Variants in GFRA1 observed in about 807,000 individuals in gnomAD.
GFRA1 encodes GDNF family receptor alpha-1.
GFRA1 carries 16 observed loss-of-function variants against 51.6 expected under a neutral mutation model. That is an observed-to-expected ratio of 0.31 (90% CI 0.21 to 0.47). The LOEUF (loss-of-function observed/expected upper bound fraction) is 0.47. Among genes scored for constraint, GFRA1 ranks in the 20% least tolerant of loss-of-function variants. The pLI is 1.00. For missense variants in GFRA1, 530 were observed against 594.3 expected (o/e 0.89, Z 1.13); for synonymous variants, 270 against 241.3 (o/e 1.12, Z -1.10).
rs117999587 is a variant in GFRA1, at chr10:116,177,489, T to C, written c.433+34142A>G. Among the ~76,000 whole-genome samples, 82 of 152,006 alleles carry C rather than the reference T, an allele frequency of 5.4e-4. 1 individual carries two copies. The highest frequency in any genetic ancestry group is 1.0e-3 in the Non-Finnish European group (70 of 67,962). On this transcript the variant is annotated intron_variant, in intron 5 of 10. Coordinates refer to ENST00000355422, the MANE Select transcript of GFRA1 (RefSeq NM_005264.8). ...AGCTTGGGAGGCTCAGAGAGAAGCA[T>C]TAGAAATAAGGACCTGGAGCTTGGG...
At chr10:116,194,786 C>T (rs1589861071) in intron 5 of GFRA1, among the ~76,000 whole-genome samples, 1 of 152,276 alleles carries the variant, frequency 6.6e-6, no homozygotes, top group South Asian at 2.1e-4. Context: ...ATTTCATCAT[C>T]AATATCTTCA....
intron 4 of GFRA1, among the ~76,000 whole-genome samples, chr10:116,228,943 T>C (rs570645247): frequency 8.5e-6 from 1 of 118,012 alleles, no homozygotes; most frequent in Admixed American, 1.2e-4. Context: ...ATCGCGCCAC[T>C]GCACTCCAGA....
chr10:116,170,319 A>G (rs936547029), intron 5 of GFRA1, among the ~76,000 whole-genome samples: 1 of 152,238 alleles, frequency 6.6e-6, no homozygotes, highest in African/African-American at 2.4e-5. Flanking sequence ...AAGTGGGGCA[A>G]TGAACTCCAT....
At chr10:116,069,310 A>G (rs1955263275) in intron 9 of GFRA1, among the ~76,000 whole-genome samples, 1 of 152,196 alleles carries the variant, frequency 6.6e-6, no homozygotes, top group South Asian at 2.1e-4. Flanking sequence ...ACTCTAATTT[A>G]TAGCTATAAG....
intron 4 of GFRA1, among the ~76,000 whole-genome samples, chr10:116,254,483 C>T (rs1968663388): frequency 6.6e-6 from 1 of 150,576 alleles, no homozygotes; most frequent in Non-Finnish European, 1.5e-5. Flanking sequence ...CCATCCTAAG[C>T]AGCAGAGTGA....
intron 4 of GFRA1, among the ~76,000 whole-genome samples, chr10:116,269,257 A>C (rs1969905598): frequency 6.6e-6 from 1 of 152,064 alleles, no homozygotes; most frequent in African/African-American, 2.4e-5. Flanking sequence ...AAAATACTCA[A>C]CCAAGTCACC....
chr10:116,210,195 A>T (rs537329361), intron 5 of GFRA1, among the ~76,000 whole-genome samples: 2 of 152,148 alleles, frequency 1.3e-5, no homozygotes, highest in Non-Finnish European at 2.9e-5. Context: ...TACAACCACC[A>T]TGAACGCTCA....
At chr10:116,209,060 G>A (rs928683418) in intron 5 of GFRA1, among the ~76,000 whole-genome samples, 2 of 152,194 alleles carry the variant, frequency 1.3e-5, no homozygotes, top group South Asian at 2.1e-4. Context: ...CAAGCCCACC[G>A]GTCCTTAACT....
intron 5 of GFRA1, among the ~76,000 whole-genome samples, chr10:116,200,949 A>G (rs564852880): frequency 2.7e-4 from 41 of 152,338 alleles, no homozygotes; most frequent in African/African-American, 9.9e-4. Context: ...GTTAGTTAGC[A>G]GAAACAACCA....
chr10:116,066,982 T>C (rs966586874), intron 9 of GFRA1, among the ~76,000 whole-genome samples: 1 of 152,238 alleles, frequency 6.6e-6, no homozygotes, highest in Non-Finnish European at 1.5e-5. Flanking sequence ...TTGACCATAA[T>C]GCTACTTGGG....
At chr10:116,106,707 T>C (rs1276043250) in intron 6 of GFRA1, among the ~76,000 whole-genome samples, 1 of 151,728 alleles carries the variant, frequency 6.6e-6, no homozygotes, top group Non-Finnish European at 1.5e-5. Flanking sequence ...AAAGGAATTA[T>C]CTCGTTCCTG....
chr10:116,189,813 C>T (rs1963085567), intron 5 of GFRA1, among the ~76,000 whole-genome samples: 2 of 152,020 alleles, frequency 1.3e-5, no homozygotes, highest in African/African-American at 4.8e-5. Flanking sequence ...TTTGAACCAT[C>T]GATATAGAAT....
chr10:116,184,528 C>T (rs1962524079), intron 5 of GFRA1, among the ~76,000 whole-genome samples: 2 of 152,232 alleles, frequency 1.3e-5, no homozygotes, highest in Admixed American at 6.5e-5. Flanking sequence ...CTGGGTACAG[C>T]CCCAAACCAA....
chr10:116,172,177 T>G lies in GFRA1; in HGVS notation c.433+39454A>C, dbSNP rs111762999. 2.4e-4 allele frequency among the ~76,000 whole-genome samples: 37 copies of G among 152,292 alleles called. 1 individual carries two copies. Among genetic ancestry groups the G allele is most frequent in the African/African-American group, 7.9e-4 (33 of 41,574 alleles). ...GCTGGAGGACGAGCAGGAGCCAGGATTACTTATGAGTATTAATAAAACATA... is the reference window on the plus strand; with the variant it reads ...GCTGGAGGACGAGCAGGAGCCAGGAGTACTTATGAGTATTAATAAAACATA... On this transcript the variant is annotated intron_variant, in intron 5 of 10. Coordinates refer to ENST00000355422, the MANE Select transcript of GFRA1 (RefSeq NM_005264.8).
chr10:116,068,280 C>G (rs867828642), intron 9 of GFRA1, among the ~76,000 whole-genome samples: 1 of 152,136 alleles, frequency 6.6e-6, no homozygotes, highest in African/African-American at 2.4e-5. Flanking sequence ...TCTGGGTGCT[C>G]GGGAAAGCCC....
intron 4 of GFRA1, among the ~76,000 whole-genome samples, chr10:116,232,967 T>C (rs961011802): frequency 1.3e-5 from 2 of 152,180 alleles, no homozygotes; most frequent in South Asian, 4.1e-4. Context: ...AAAGAACAAG[T>C]TATTTTAAGT....
intron 5 of GFRA1, among the ~76,000 whole-genome samples, chr10:116,207,792 T>G (rs543414283): frequency 7.2e-5 from 11 of 152,226 alleles, no homozygotes; most frequent in Non-Finnish European, 1.2e-4. Context: ...AAGACCCTCT[T>G]CAGGCAAAGC....
At chr10:116,185,563 C>T in intron 5 of GFRA1, among the ~76,000 whole-genome samples, 1 of 152,136 alleles carries the variant, frequency 6.6e-6, no homozygotes, top group East Asian at 1.9e-4. Flanking sequence ...TAATCAATGA[C>T]TGACTAGTGT....
intron 8 of GFRA1, among the ~76,000 whole-genome samples, chr10:116,091,138 G>A (rs531638704): frequency 6.6e-6 from 1 of 152,310 alleles, no homozygotes; most frequent in African/African-American, 2.4e-5. Flanking sequence ...GAGACTCACA[G>A]TTTCTTGCAA....
Sources: gnomAD v4.1 joint callset for allele counts (sites outside exome capture counted in the v4.1 genomes callset) on GRCh38, gnomAD v4.1.1 for gene constraint, MANE v1.5 for transcripts, NCBI Gene and HGNC (gene_info 2026-07-23, HGNC 2026-07-21) for gene names.